The following PDZRN4 variants were observed in gnomAD, a reference collection of about 807,000 sequenced individuals.
PDZRN4 encodes the protein PDZ domain containing ring finger 4.
A neutral mutation model predicts 99.0 loss-of-function variants in PDZRN4; 70 were observed. The observed-to-expected ratio is 0.71, with a 90% confidence interval of 0.58 to 0.86. The LOEUF (loss-of-function observed/expected upper bound fraction) is 0.86. Among genes scored for constraint, PDZRN4 ranks in the 40% least tolerant of loss-of-function variants. PDZRN4 has a pLI of 0.00. For missense variants in PDZRN4, 1,474 were observed against 1,331.2 expected (o/e 1.11, Z -1.67); for synonymous variants, 551 against 501.6 (o/e 1.10, Z -1.32).
At chr12:41,227,515 A>G (rs1951002410) in intron 3 of PDZRN4, among the ~76,000 whole-genome samples, 1 of 151,870 alleles carries the variant, frequency 6.6e-6, no homozygotes, top group Non-Finnish European at 1.5e-5. Flanking sequence ...AAATACAAAA[A>G]TTATCCAGGT....
chr12:41,436,939 A>G (rs1261649586), intron 3 of PDZRN4, among the ~76,000 whole-genome samples: 1 of 152,200 alleles, frequency 6.6e-6, no homozygotes, highest in Non-Finnish European at 1.5e-5. Context: ...CATAAATACT[A>G]TAAGCATTTG....
intron 3 of PDZRN4, among the ~76,000 whole-genome samples, chr12:41,414,581 A>G (rs1021776736): frequency 6.6e-6 from 1 of 152,106 alleles, no homozygotes; most frequent in Non-Finnish European, 1.5e-5. Context: ...GAAAAGAAAG[A>G]AGGAAAACAA....
intron 3 of PDZRN4, among the ~76,000 whole-genome samples, chr12:41,501,485 T>C (rs942819362): frequency 1.3e-5 from 2 of 152,154 alleles, no homozygotes; most frequent in Admixed American, 6.6e-5. Flanking sequence ...AAAGGGTAGA[T>C]GATTCATTAA....
At chr12:41,410,284 A>C (rs1952386227) in intron 3 of PDZRN4, among the ~76,000 whole-genome samples, 1 of 152,218 alleles carries the variant, frequency 6.6e-6, no homozygotes, top group African/African-American at 2.4e-5. Context: ...TAAGCAATAA[A>C]TATTTCCTAA....
chr12:41,500,735 G>T (rs1049829934), intron 3 of PDZRN4, among the ~76,000 whole-genome samples: 8 of 151,712 alleles, frequency 5.3e-5, no homozygotes, highest in Non-Finnish European at 1.2e-4. Context: ...TCATACCAAA[G>T]TTTAGGGAAA....
intron 3 of PDZRN4, among the ~76,000 whole-genome samples, chr12:41,347,031 A>G (rs956162015): frequency 1.6e-4 from 24 of 152,244 alleles, no homozygotes; most frequent in African/African-American, 4.8e-4. Context: ...GATAAATCAT[A>G]TTTAGTTTAT....
At chr12:41,288,098 A>G (rs1326152525) in intron 3 of PDZRN4, among the ~76,000 whole-genome samples, 2 of 152,068 alleles carry the variant, frequency 1.3e-5, no homozygotes, top group East Asian at 3.8e-4. Context: ...TAAAATATGC[A>G]TTTTTTCATA....
chr12:41,419,476 A>C (rs2120403114), intron 3 of PDZRN4, among the ~76,000 whole-genome samples: 1 of 152,148 alleles, frequency 6.6e-6, no homozygotes, highest in East Asian at 1.9e-4. Context: ...AATAACATTA[A>C]TTTTCTTCTC....
At chr12:41,418,846 G>C (rs748049304) in intron 3 of PDZRN4, among the ~76,000 whole-genome samples, 1 of 152,152 alleles carries the variant, frequency 6.6e-6, no homozygotes. Context: ...GTAGGTGTCA[G>C]CTGGGGGGTA....
intron 3 of PDZRN4, among the ~76,000 whole-genome samples, chr12:41,253,878 A>G (rs772836182): frequency 6.6e-6 from 1 of 152,146 alleles, no homozygotes; most frequent in Non-Finnish European, 1.5e-5. Context: ...GAAATAAGCC[A>G]AGCAGAGAAA....
intron 3 of PDZRN4, among the ~76,000 whole-genome samples, chr12:41,228,504 T>C (rs1951010327): frequency 1.3e-5 from 2 of 152,064 alleles, no homozygotes; most frequent in Non-Finnish European, 2.9e-5. Flanking sequence ...GACTCTTGGA[T>C]TTTGAAAGGC....
chr12:41,478,270 C>T (rs1235655071), intron 3 of PDZRN4, among the ~76,000 whole-genome samples: 2 of 152,046 alleles, frequency 1.3e-5, no homozygotes, highest in African/African-American at 2.4e-5. Flanking sequence ...CATGCACCAC[C>T]ATATCTAGCT....
intron 3 of PDZRN4, among the ~76,000 whole-genome samples, chr12:41,404,812 T>C (rs761670986): frequency 6.0e-5 from 9 of 150,386 alleles, no homozygotes; most frequent in Non-Finnish European, 8.9e-5. Flanking sequence ...AACAGAAAAC[T>C]TAGAAATGAA....
At chr12:41,287,108 G>C (rs926231000) in intron 3 of PDZRN4, among the ~76,000 whole-genome samples, 1 of 152,098 alleles carries the variant, frequency 6.6e-6, no homozygotes, top group Non-Finnish European at 1.5e-5. Context: ...TTGTCTCCAA[G>C]CATTATTTAA....
chr12:41,316,550 CTAAA>C (rs1565549774), intron 3 of PDZRN4, among the ~76,000 whole-genome samples: 1 of 149,760 alleles, frequency 6.7e-6, no homozygotes, highest in Non-Finnish European at 1.5e-5. Flanking sequence ...ATAGACACAA[CTAAA>C]TATTTATTAT....
At chr12:41,310,160 TGACC>T (rs1951597189) in intron 3 of PDZRN4, among the ~76,000 whole-genome samples, 1 of 152,184 alleles carries the variant, frequency 6.6e-6, no homozygotes, top group South Asian at 2.1e-4. Context: ...CTTGAACTAC[TGACC>T]TCAAGCGATC....
At chr12:41,535,847 C>T (rs79896426) in intron 5 of PDZRN4, among the ~76,000 whole-genome samples, 2,336 of 152,268 alleles carry the variant, frequency 0.015, 36 homozygotes, top group Non-Finnish European at 0.025. Flanking sequence ...GACTTCCCAG[C>T]CCTCCAGAAC....
At chr12:41,234,310 T>C (rs1006106490) in intron 3 of PDZRN4, among the ~76,000 whole-genome samples, 2 of 152,066 alleles carry the variant, frequency 1.3e-5, no homozygotes, top group Non-Finnish European at 1.5e-5. Flanking sequence ...ATTAGGAATA[T>C]GAGCAGCCAG....
rs906184341 is a variant in PDZRN4 at position 41,436,570 on chromosome 12, C to T, written c.844-69886C>T. Among the ~76,000 whole-genome samples, 9 of 152,134 alleles carry T rather than the reference C, an allele frequency of 5.9e-5. 1 individual carries two copies. Among genetic ancestry groups the T allele is most frequent in the African/African-American group, 2.4e-5 (1 of 41,430 alleles). On this transcript the variant is annotated intron_variant, in intron 3 of 9. Transcript: ENST00000402685. ...TTTGGAACCCACCTGCTATCCTGTC[C>T]GGTTTAAAGATGTGCTGGAACAAGG...
Sources: gnomAD v4.1 joint callset for allele counts (sites outside exome capture counted in the v4.1 genomes callset) on GRCh38, gnomAD v4.1.1 for gene constraint, MANE v1.5 for transcripts, NCBI Gene and HGNC (gene_info 2026-07-23, HGNC 2026-07-21) for gene names.